LRRC7: variants seen among roughly 807,000 people sequenced by gnomAD.
LRRC7 encodes the protein leucine-rich repeat-containing protein 7.
A neutral mutation model predicts 175.7 loss-of-function variants in LRRC7; 23 were observed. That is an observed-to-expected ratio of 0.13 (90% confidence interval 0.09 to 0.19). The LOEUF is 0.19. Ranked by LOEUF, LRRC7 falls within the 10% of genes least tolerant of loss-of-function variation. The probability of loss-of-function intolerance (pLI) is 1.00; values close to 1 mark genes in which losing one functional copy is unlikely to be tolerated. For synonymous variants in LRRC7, 685 were observed against 680.9 expected (o/e 1.01, Z -0.09); for missense variants, 1,354 against 1,904.7 (o/e 0.71, Z 5.38).
At chr1:69,983,303 T>C (rs1653622689) in intron 9 of LRRC7, among the ~76,000 whole-genome samples, 1 of 152,202 alleles carries the variant, frequency 6.6e-6, no homozygotes, top group African/African-American at 2.4e-5. Context: ...GGAGCAGGGC[T>C]GGAGATTTGC....
chr1:70,057,816 A>C (rs1661268364), intron 23 of LRRC7, among the ~76,000 whole-genome samples: 1 of 152,142 alleles, frequency 6.6e-6, no homozygotes, highest in African/African-American at 2.4e-5. Flanking sequence ...AACCTTAGAC[A>C]CATAAAGTAA....
intron 2 of LRRC7, among the ~76,000 whole-genome samples, chr1:69,682,231 ATTAAG>A (rs1660579882): frequency 6.6e-6 from 1 of 152,106 alleles, no homozygotes; most frequent in African/African-American, 2.4e-5. Context: ...CTTTCACCTG[ATTAAG>A]TCAGGCACAC....
chr1:69,907,627 G>T (rs765008808), intron 7 of LRRC7, among the ~76,000 whole-genome samples: 1 of 152,166 alleles, frequency 6.6e-6, no homozygotes, highest in Non-Finnish European at 1.5e-5. Context: ...GATCATGATG[G>T]ATAAGCTTTT....
At chr1:70,119,047 CTT>C (rs3831948) in intron 26 of LRRC7, among the ~76,000 whole-genome samples, 1 of 146,978 alleles carries the variant, frequency 6.8e-6, no homozygotes, top group African/African-American at 2.5e-5. Flanking sequence ...GGATTTGGTG[CTT>C]TTTTTTTTGT....
At chr1:69,838,782 A>C (rs1422301433) in intron 7 of LRRC7, among the ~76,000 whole-genome samples, 1 of 151,954 alleles carries the variant, frequency 6.6e-6, no homozygotes, top group Non-Finnish European at 1.5e-5. Flanking sequence ...CATTTTTACT[A>C]GTCTATTTAA....
At chr1:69,691,914 T>G (rs571086419) in intron 2 of LRRC7, among the ~76,000 whole-genome samples, 3 of 151,996 alleles carry the variant, frequency 2.0e-5, no homozygotes, top group Admixed American at 6.6e-5. Context: ...ACTTTCATAT[T>G]GCAAAACAAT....
intron 2 of LRRC7, among the ~76,000 whole-genome samples, chr1:69,728,169 G>A (rs535960174): frequency 3.9e-5 from 6 of 151,950 alleles, no homozygotes; most frequent in Non-Finnish European, 7.4e-5. Context: ...TTAGTGACAG[G>A]TTTTCTGGAA....
At chr1:69,844,083 AG>A (rs1325571753) in intron 7 of LRRC7, among the ~76,000 whole-genome samples, 2 of 152,180 alleles carry the variant, frequency 1.3e-5, no homozygotes, top group African/African-American at 4.8e-5. Context: ...CAAGTAATTC[AG>A]AAAAACATGA....
chr1:69,962,530 C>T (rs1355162158), intron 8 of LRRC7, among the ~76,000 whole-genome samples: 9 of 152,172 alleles, frequency 5.9e-5, no homozygotes, highest in Admixed American at 2.6e-4. Context: ...TGGATACACA[C>T]GTATGTTCAT....
chr1:70,034,506 G>A (rs12040020), intron 18 of LRRC7, among the ~76,000 whole-genome samples: 14,450 of 152,176 alleles, frequency 0.095, 690 homozygotes, highest in South Asian at 0.13. Context: ...CCTTTGAGTA[G>A]CAAATATAGC....
chr1:69,994,745 A>G, intron 11 of LRRC7, 112 bp downstream of exon 11: 1 of 633,428 alleles, frequency 1.6e-6, no homozygotes, highest in Non-Finnish European at 2.7e-6. Flanking sequence ...AATCCTGTTC[A>G]TCTGTCAGCT....
Position 69,834,810 on chromosome 1 carries a change from C to T in LRRC7, c.531C>T (p.Asn177=), listed in dbSNP as rs1445165311. 5 of 1,613,292 alleles carry T rather than the reference C, an allele frequency of 3.1e-6. No homozygotes were observed. Among genetic ancestry groups the T allele is most frequent in the Non-Finnish European group, 3.4e-6 (4 of 1,179,468 alleles). Residue 177 remains asparagine (N), a synonymous_variant, in exon 6 of 27, where the codon AAC becomes AAT. Coordinates refer to ENST00000651989, the MANE Select transcript of LRRC7 (RefSeq NM_001370785.2). ...CTGATGGCTTCACACAGCTCCTAAA[C>T]CTGACCCAGCTCTACCTGAATGACG... The part of the protein sequence containing the change: ...KLPDGFTQLL[N]LTQLYLNDAF...
intron 8 of LRRC7, among the ~76,000 whole-genome samples, chr1:69,948,485 C>T (rs180773366): frequency 9.9e-5 from 15 of 152,238 alleles, no homozygotes; most frequent in Admixed American, 4.6e-4. Context: ...TTCCCCTACC[C>T]CAGTCTTCCT....
intron 13 of LRRC7, 27 bp from the exon 14 acceptor site, chr1:70,016,438 G>A (rs751820320): frequency 2.0e-6 from 3 of 1,493,604 alleles, no homozygotes; most frequent in East Asian, 2.3e-5. Context: ...CTTTACCCAT[G>A]CTATTAGACT....
chr1:70,135,166 C>T lies in LRRC7; in HGVS notation c.*13279C>T, dbSNP rs986978508. ...TCAGATTTTTGGTATCCACTATTAGCGAAGTATTTTTTTCTTTGTCTTCTA... is the reference window on the plus strand; with the variant it reads ...TCAGATTTTTGGTATCCACTATTAGTGAAGTATTTTTTTCTTTGTCTTCTA... On this transcript the variant is annotated 3_prime_UTR_variant, in exon 27 of 27. Transcript: ENST00000651989. 2.1e-4 allele frequency among the ~76,000 whole-genome samples: 32 copies of T among 151,934 alleles called. No individual in the cohort carries two copies. The highest frequency in any genetic ancestry group is 7.0e-4 in the African/African-American group (29 of 41,362).
intron 7 of LRRC7, among the ~76,000 whole-genome samples, chr1:69,924,479 C>A (rs1451718038): frequency 6.6e-6 from 1 of 152,132 alleles, no homozygotes. Context: ...TTTCATTGAG[C>A]AGTGGTTTGT....
intron 3 of LRRC7, among the ~76,000 whole-genome samples, chr1:69,779,020 A>C: frequency 7.4e-6 from 1 of 134,970 alleles, no homozygotes; most frequent in South Asian, 2.6e-4. Context: ...ACACACAAAC[A>C]TATATATATA....
intron 1 of LRRC7, among the ~76,000 whole-genome samples, chr1:69,587,310 A>T (rs1005313441): frequency 1.3e-5 from 2 of 152,230 alleles, no homozygotes; most frequent in African/African-American, 4.8e-5. Context: ...TACCCACAAC[A>T]GTTCCCCAGT....
chr1:69,802,987 C>T (rs74087743), intron 4 of LRRC7, among the ~76,000 whole-genome samples: 515 of 151,210 alleles, frequency 3.4e-3, no homozygotes, highest in African/African-American at 0.012. Context: ...TATCTTTTCC[C>T]ATGTGAATAG....
Sources: gnomAD v4.1 joint callset for allele counts (sites outside exome capture counted in the v4.1 genomes callset) on GRCh38, gnomAD v4.1.1 for gene constraint, MANE v1.5 for transcripts, NCBI Gene and HGNC (gene_info 2026-07-23, HGNC 2026-07-21) for gene names.